Variants in CSMD1 observed in about 807,000 individuals in gnomAD.
CSMD1 encodes the protein CUB and sushi domain-containing protein 1.
Under a neutral mutation model 417.5 loss-of-function variants are expected in CSMD1, and 213 were observed. The observed-to-expected ratio is 0.51, with a 90% CI of 0.46 to 0.57. The LOEUF is 0.57. CSMD1 is among the 20% of genes least tolerant of loss of function. CSMD1 has a pLI of 0.00. For missense variants in CSMD1, 6,923 were observed against 4,529.7 expected (o/e 1.53, Z -15.17); for synonymous variants, 2,862 against 1,736.8 (o/e 1.65, Z -16.11).
intron 3 of CSMD1, among the ~76,000 whole-genome samples, chr8:4,055,619 A>T (rs978603176): frequency 2.0e-5 from 3 of 152,142 alleles, no homozygotes; most frequent in Non-Finnish European, 4.4e-5. Context: ...ATGAATATAA[A>T]ATATTAATGG....
intron 17 of CSMD1, among the ~76,000 whole-genome samples, chr8:3,394,954 G>C (rs972019195): frequency 6.6e-6 from 1 of 152,052 alleles, no homozygotes; most frequent in Non-Finnish European, 1.5e-5. Context: ...AAAATCTTAA[G>C]ATATACATGC....
At chr8:3,374,989 A>G (rs1810214500) in intron 18 of CSMD1, among the ~76,000 whole-genome samples, 2 of 152,308 alleles carry the variant, frequency 1.3e-5, no homozygotes, top group South Asian at 2.1e-4. Flanking sequence ...TTCACAGGCA[A>G]CAGTGATCTC....
At chr8:4,202,459 C>G (rs3893792) in intron 3 of CSMD1, among the ~76,000 whole-genome samples, 1 of 152,126 alleles carries the variant, frequency 6.6e-6, no homozygotes, top group Non-Finnish European at 1.5e-5. Flanking sequence ...TGTTTCATTA[C>G]GTAAGTTTTA....
At chr8:4,733,565 T>C (rs551218688) in intron 1 of CSMD1, among the ~76,000 whole-genome samples, 58 of 152,350 alleles carry the variant, frequency 3.8e-4, no homozygotes, top group Non-Finnish European at 7.6e-4. Context: ...GACAAAGCTA[T>C]GTGGTGTAAG....
At chr8:4,370,965 C>G (rs1485284287) in intron 3 of CSMD1, among the ~76,000 whole-genome samples, 1 of 152,164 alleles carries the variant, frequency 6.6e-6, no homozygotes, top group African/African-American at 2.4e-5. Context: ...TGCTGGCGAG[C>G]TAGTGTGATT....
intron 49 of CSMD1, among the ~76,000 whole-genome samples, chr8:3,065,116 A>G (rs1812836130): frequency 6.6e-6 from 1 of 152,200 alleles, no homozygotes; most frequent in Non-Finnish European, 1.5e-5. Flanking sequence ...AAGAAGAAAT[A>G]AACCTGGAAA....
At chr8:4,252,368 G>A (rs1028436493) in intron 3 of CSMD1, among the ~76,000 whole-genome samples, 7 of 152,270 alleles carry the variant, frequency 4.6e-5, no homozygotes, top group South Asian at 2.1e-4. Flanking sequence ...TCCAATAGAC[G>A]CTGAAGTTAT....
chr8:4,141,206 G>C (rs1275877630), intron 3 of CSMD1, among the ~76,000 whole-genome samples: 2 of 151,044 alleles, frequency 1.3e-5, no homozygotes, highest in East Asian at 3.9e-4. Flanking sequence ...TGATCTATCA[G>C]AAAGACTGGA....
chr8:4,350,190 C>T (rs916482699), intron 3 of CSMD1, among the ~76,000 whole-genome samples: 1 of 152,176 alleles, frequency 6.6e-6, no homozygotes, highest in African/African-American at 2.4e-5. Context: ...CTTCTTTTTG[C>T]TGTACAATTG....
chr8:4,271,198 A>G (rs926135912), intron 3 of CSMD1, among the ~76,000 whole-genome samples: 3 of 152,262 alleles, frequency 2.0e-5, no homozygotes, highest in South Asian at 2.1e-4. Context: ...GGATAGATGT[A>G]AACATATATA....
At chr8:3,844,481 C>G (rs565018115) in intron 5 of CSMD1, among the ~76,000 whole-genome samples, 13 of 152,118 alleles carry the variant, frequency 8.5e-5, no homozygotes, top group African/African-American at 3.1e-4. Flanking sequence ...TCAGAGAGAG[C>G]AATCTCTTTG....
chr8:2,963,019 T>G (rs1477595343), intron 60 of CSMD1, among the ~76,000 whole-genome samples: 2 of 152,152 alleles, frequency 1.3e-5, no homozygotes, highest in African/African-American at 4.8e-5. Flanking sequence ...CTGCACTCCA[T>G]CCTGGGCAAC....
intron 26 of CSMD1, among the ~76,000 whole-genome samples, chr8:3,259,268 G>A (rs1443083633): frequency 1.3e-5 from 2 of 152,198 alleles, no homozygotes; most frequent in Non-Finnish European, 2.9e-5. Flanking sequence ...GAAGACGTAT[G>A]CATTTATGAG....
At chr8:4,017,023 A>G (rs1796555721) in intron 4 of CSMD1, among the ~76,000 whole-genome samples, 1 of 152,238 alleles carries the variant, frequency 6.6e-6, no homozygotes, top group African/African-American at 2.4e-5. Flanking sequence ...TTCAGAAGGA[A>G]GAGCCACATC....
At chr8:4,022,712 T>G (rs1279342356) in intron 4 of CSMD1, among the ~76,000 whole-genome samples, 1 of 152,156 alleles carries the variant, frequency 6.6e-6, no homozygotes, top group African/African-American at 2.4e-5. Context: ...TGAAAAGCTG[T>G]GGTGAAGTGA....
chr8:4,493,538 C>T (rs553554050), intron 2 of CSMD1, among the ~76,000 whole-genome samples: 1 of 152,066 alleles, frequency 6.6e-6, no homozygotes, highest in African/African-American at 2.4e-5. Flanking sequence ...TCTACGAAAA[C>T]ATTTTTAAAA....
chr8:3,036,189 A>G (rs1810663940), intron 50 of CSMD1, among the ~76,000 whole-genome samples: 1 of 152,224 alleles, frequency 6.6e-6, no homozygotes, highest in African/African-American at 2.4e-5. Flanking sequence ...AGTAATTCTG[A>G]TTTATTATAG....
At chr8:3,604,874 G>C (rs1317407374) in intron 8 of CSMD1, among the ~76,000 whole-genome samples, 3 of 152,092 alleles carry the variant, frequency 2.0e-5, no homozygotes, top group Admixed American at 6.5e-5. Flanking sequence ...CTACCTCCAC[G>C]CTCTGTGTTC....
chr8:3,335,779 T>C (rs1223884651), intron 23 of CSMD1, among the ~76,000 whole-genome samples: 1 of 152,194 alleles, frequency 6.6e-6, no homozygotes, highest in Non-Finnish European at 1.5e-5. Flanking sequence ...TTCTATACAA[T>C]GTCACTAATT....
Sources: allele counts gnomAD v4.1 joint callset (sites outside exome capture counted in the v4.1 genomes callset), GRCh38; gene constraint gnomAD v4.1.1; transcripts MANE v1.5; gene names NCBI Gene and HGNC (gene_info 2026-07-23, HGNC 2026-07-21).